KRT28: variants seen among roughly 807,000 people sequenced by gnomAD.
KRT28 encodes the protein keratin, type I cytoskeletal 28.
A neutral mutation model predicts 48.1 loss-of-function variants in KRT28; 45 were observed. The observed-to-expected ratio is 0.94, with a 90% CI of 0.74 to 1.20. KRT28 has a LOEUF of 1.20. Ranked by LOEUF, KRT28 falls within the 50% of genes most tolerant of loss-of-function variation. KRT28 has a pLI of 0.00. For missense variants in KRT28, 571 were observed against 574.1 expected, an observed-to-expected ratio of 0.99 and a Z score of 0.06; for synonymous variants, 228 against 227.4, an observed-to-expected ratio of 1.00 and a Z score of -0.03.
intron 1 of KRT28, 86 bp from the exon 2 acceptor site, chr17:40,799,085 GT>G: frequency 1.2e-6 from 1 of 857,916 alleles, no homozygotes; most frequent in Non-Finnish European, 1.8e-6. Flanking sequence ...GGTTACTCAA[GT>G]TTTTGCATAA....
intron 5 of KRT28, among the ~76,000 whole-genome samples, chr17:40,795,267 G>T (rs969694315): frequency 3.9e-5 from 6 of 152,164 alleles, no homozygotes; most frequent in African/African-American, 1.4e-4. Context: ...TAAGGCAACA[G>T]GTAGCAAGAC....
In KRT28 at chr17:40,792,582, C is replaced by G. The variant is rs1904517696; in HGVS notation, c.1253-13G>C. 6.3e-7 allele frequency: 1 copy of G among 1,587,040 alleles called. No individual in the cohort carries two copies. On this transcript the variant is annotated splice_polypyrimidine_tract_variant and intron_variant, in intron 7 of 7. Coordinates refer to ENST00000306658, the MANE Select transcript of KRT28 (RefSeq NM_181535.3). ...GTTTTGGATAAATCTAGAAATAAAA[C>G]ATAGGCATACATATATTCAACCAAA...
At chr17:40,795,885 A>G (rs1003972781) in intron 5 of KRT28, among the ~76,000 whole-genome samples, 1 of 152,096 alleles carries the variant, frequency 6.6e-6, no homozygotes, top group Non-Finnish European at 1.5e-5. Flanking sequence ...GGAAATGGAG[A>G]AGAAAGGAAG....
intron 2 of KRT28, among the ~76,000 whole-genome samples, chr17:40,798,620 A>G (rs1904676873): frequency 6.6e-6 from 1 of 152,230 alleles, no homozygotes; most frequent in Non-Finnish European, 1.5e-5. Context: ...TTAAATAAAA[A>G]TACACCATTT....
intron 5 of KRT28, 124 bp downstream of exon 5, chr17:40,796,792 A>G (rs1357904378): frequency 7.6e-7 from 1 of 1,307,998 alleles, no homozygotes; most frequent in Admixed American, 2.4e-5. Context: ...GCTCTCCTCC[A>G]CTCTCTCTGC....
chr17:40,797,367 C>CA (rs1904641884), intron 3 of KRT28, 86 bp from the exon 4 acceptor site: 1 of 1,368,340 alleles, frequency 7.3e-7, no homozygotes. Flanking sequence ...CTTTATGTCT[C>CA]AAAGTTTGCG....
In KRT28 at chr17:40,796,840, A is replaced by C. The variant is rs574177495; in HGVS notation, c.978+76T>G. On this transcript the variant is annotated intron_variant, in intron 5 of 7. Coordinates refer to ENST00000306658, the MANE Select transcript of KRT28 (RefSeq NM_181535.3). Reference sequence around the variant, plus strand: ...GGCAAAGGTATAATAGGAAAAAAGAAGGAAGGGCAGAGGGAAGTGTTTCTC... The same window carrying C: ...GGCAAAGGTATAATAGGAAAAAAGACGGAAGGGCAGAGGGAAGTGTTTCTC... 5 of 1,498,976 alleles carry C rather than the reference A, an allele frequency of 3.3e-6. No homozygotes were observed. The African/African-American group carries it at 7.0e-5, about 21-fold the overall frequency. The allele number at this position is 1,498,976 out of a possible 1,614,324, so 92.9% of individuals were successfully genotyped here.
At chr17:40,799,398 CTTAGTT>C in intron 1 of KRT28, 40 bp downstream of exon 1, 1 of 1,396,532 alleles carries the variant, frequency 7.2e-7, no homozygotes, top group African/African-American at 1.4e-5. Context: ...TTAGGTATTT[CTTAGTT>C]TTAAATACTT....
At chr17:40,799,397 T>C (rs765132173) in intron 1 of KRT28, 47 bp downstream of exon 1, 7 of 1,389,956 alleles carry the variant, frequency 5.0e-6, no homozygotes, top group Non-Finnish European at 4.9e-6. Flanking sequence ...GTTAGGTATT[T>C]CTTAGTTTTA....
chr17:40,792,380 A>T lies in KRT28; in HGVS notation c.*47T>A. 4 of 1,496,108 alleles carry T rather than the reference A, an allele frequency of 2.7e-6. No individual in the cohort carries two copies. The allele number at this position is 1,496,108 out of a possible 1,614,324, so 92.7% of individuals were successfully genotyped here. ...TCTCTCTGATATTTAGAATAATGCA[A>T]TTGTACAGGATCCTTTCCCAAATTA... On this transcript the variant is annotated 3_prime_UTR_variant, in exon 8 of 8. Transcript: ENST00000306658.
In KRT28 at chr17:40,798,204, G is replaced by A. The variant is rs376692131; in HGVS notation, c.690+31C>T. On this transcript the variant is annotated intron_variant, in intron 3 of 7. Coordinates refer to ENST00000306658, the MANE Select transcript of KRT28 (RefSeq NM_181535.3). ...CCCAGTATTTAAAATGTACAGAGTT[G>A]TGATTGGACTACAGGTAAAGCTTCT... is the stretch of plus-strand genomic sequence containing the variant. The A allele has an allele frequency of 5.0e-4, 788 of 1,579,412 alleles. 3 individuals carry two copies. The highest frequency in any genetic ancestry group is 1.1e-3 in the South Asian group (96 of 89,408).
In KRT28 at chr17:40,796,904, G is replaced by C. The variant is rs185993023; in HGVS notation, c.978+12C>G. On this transcript the variant is annotated intron_variant, in intron 5 of 7. Coordinates refer to ENST00000306658, the MANE Select transcript of KRT28 (RefSeq NM_181535.3). ...AATCACAGGATCCAGGCTGACCTTC[G>C]CTGTCACCTACCGTGGCCATCAGGG... 2 of 1,577,300 alleles carry C rather than the reference G, an allele frequency of 1.3e-6. No homozygotes were observed. Among genetic ancestry groups the C allele is most frequent in the Admixed American group, 1.9e-5 (1 of 53,108 alleles).
chr17:40,798,297 G>C lies in KRT28; in HGVS notation c.628C>G (p.Gln210Glu). The C allele has an allele frequency of 6.2e-7, 1 of 1,613,260 alleles. No homozygotes were observed. The highest frequency in any genetic ancestry group is 8.5e-7 in the Non-Finnish European group (1 of 1,179,396). The change falls in exon 3 of 8, where the codon CAG (glutamine) becomes GAG (glutamate). Residue 210 changes from glutamine (Q) to glutamate (E), a missense_variant. Transcript: ENST00000306658. ...CTCAGAGACTCATATTGCAGCTCCTGGTCGGTCCTGCAGAGCGTCAGCTCG... is the reference window on the plus strand; with the variant it reads ...CTCAGAGACTCATATTGCAGCTCCTCGTCGGTCCTGCAGAGCGTCAGCTCG... ...LDELTLCRTD[Q>E]ELQYESLSEE...
chr17:40,799,314 G>A (rs1904693018), intron 1 of KRT28, 130 bp downstream of exon 1: 1 of 785,264 alleles, frequency 1.3e-6, no homozygotes, highest in South Asian at 2.1e-5. Flanking sequence ...TTGAATAGTA[G>A]GAAGAATTGT....
Position 40,797,197 on chromosome 17 carries a change from A to G in KRT28, c.775T>C (p.Leu259=). Residue 259 remains leucine, a synonymous_variant, in exon 4 of 8, where the codon TTG becomes CTG. Coordinates refer to ENST00000306658, the MANE Select transcript of KRT28 (RefSeq NM_181535.3). The part of the protein sequence containing the change: ...AAPGVDLAVL[L]NNMRAEYEAL... ...TCGTACTCCGCTCGCATGTTGTTCA[A>G]CAAAACCGCGAGGTCTACCCCCGGG... The G allele has an allele frequency of 6.2e-7, 1 of 1,614,084 alleles. No individual in the cohort carries two copies. Among genetic ancestry groups the G allele is most frequent in the Non-Finnish European group, 8.5e-7 (1 of 1,180,006 alleles).
At position 40,797,328 on chromosome 17, in the gene KRT28, C is replaced by T. The variant is rs767821733; in HGVS notation, c.691-47G>A. Reference sequence around the variant, plus strand: ...GCTTTAGGGGCATTGCAGGTTCACACTCAGTCTGAGAAGTTCTCAAACGTG... The same window carrying T: ...GCTTTAGGGGCATTGCAGGTTCACATTCAGTCTGAGAAGTTCTCAAACGTG... On this transcript the variant is annotated intron_variant, in intron 3 of 7. Transcript: ENST00000306658. The T allele has an allele frequency of 3.2e-6, 5 of 1,572,242 alleles. No homozygotes were observed. In the South Asian group the frequency reaches 4.6e-5, roughly 15 times the overall value.
intron 5 of KRT28, among the ~76,000 whole-genome samples, chr17:40,795,649 C>T (rs1445531044): frequency 3.9e-4 from 60 of 152,206 alleles, no homozygotes; most frequent in Non-Finnish European, 1.2e-4. Context: ...GTTAAGTGGG[C>T]TTTTTATGTG....
rs552617156 is a variant in KRT28 at position 40,798,930 on chromosome 17, C to T, written c.520G>A (p.Asp174Asn). ...QIDNARLAAD[D>N]FRLKYENELT... The stretch of plus-strand genomic sequence containing the variant: ...TCTGTCACTTACTTTAGCCTGAAAT[C>T]ATCAGCAGCCAGTCTGGCATTATCA... Residue 174 changes from aspartate to asparagine, a missense_variant, in exon 2 of 8, where the codon GAT (aspartate) becomes AAT (asparagine). Coordinates refer to ENST00000306658, the MANE Select transcript of KRT28 (RefSeq NM_181535.3). The T allele has an allele frequency of 8.0e-5, 128 of 1,603,820 alleles. No individual in the cohort carries two copies. Among genetic ancestry groups the T allele is most frequent in the Non-Finnish European group, 1.0e-4 (122 of 1,174,034 alleles).
At position 40,799,772 on chromosome 17, in the gene KRT28, G is replaced by T. The variant is rs79999354; in HGVS notation, c.122C>A (p.Ala41Asp). The T allele has an allele frequency of 2.2e-3, 3,573 of 1,613,948 alleles. 81 individuals carry two copies. In the African/African-American group the frequency reaches 0.042, roughly 19 times the overall value. The change falls in exon 1 of 8, where the codon GCT (alanine) becomes GAT (aspartate). Residue 41 changes from alanine to aspartate, a missense_variant. Ala to Asp is a moderately radical substitution (Grantham distance 126). Transcript: ENST00000306658. ...AGSSACGGSV[A>D]GSEFSCALGG... The stretch of plus-strand genomic sequence containing the variant: ...CAAGGCACAGGAAAATTCACTTCCA[G>T]CAACAGAGCCACCACATGCACTGCT...
Sources: allele counts gnomAD v4.1 joint callset (sites outside exome capture counted in the v4.1 genomes callset), GRCh38; gene constraint gnomAD v4.1.1; transcripts MANE v1.5; gene names NCBI Gene and HGNC (gene_info 2026-07-23, HGNC 2026-07-21).